Variants in SRCAP observed in about 807,000 individuals in gnomAD.
SRCAP encodes Snf2 related CREBBP activator protein.
SRCAP carries 46 observed loss-of-function variants against 263.1 expected under a neutral mutation model. The ratio of observed to expected loss-of-function variants is 0.17; its 90% confidence interval spans 0.14 to 0.22. The LOEUF (loss-of-function observed/expected upper bound fraction) is 0.22. Among genes scored for constraint, SRCAP ranks in the 10% least tolerant of loss-of-function variants. The pLI, the probability that SRCAP is intolerant of heterozygous loss-of-function variation, is 1.00. For synonymous variants in SRCAP, 1,813 were observed against 1,662.1 expected (o/e 1.09, Z -2.21); for missense variants, 3,695 against 4,181.9 (o/e 0.88, Z 3.21).
rs2053186523 is a variant in SRCAP, at chr16:30,738,632, CAAG to C, written c.8598_8600del (p.Lys2866del). On this transcript the variant is annotated inframe_deletion, in exon 34 of 34. Transcript: ENST00000262518. ...TGAAACGTCGGAGGGGGAGGCCCCC[CAAG>C]AAGAACAGGTCTCCAGCAGATGCTG... 3.1e-6 allele frequency: 5 copies of C among 1,606,642 alleles called. No individual in the cohort carries two copies. Among genetic ancestry groups the C allele is most frequent in the South Asian group, 2.2e-5 (2 of 90,358 alleles).
intron 18 of SRCAP, among the ~76,000 whole-genome samples, chr16:30,718,176 A>AT (rs1239745568): frequency 7.4e-5 from 11 of 148,134 alleles, no homozygotes; most frequent in South Asian, 4.3e-4. Context: ...CCTAGTTTTA[A>AT]TTTTTTTTTG....
intron 31 of SRCAP, among the ~76,000 whole-genome samples, chr16:30,735,502 A>G (rs1189642596): frequency 6.7e-6 from 1 of 150,174 alleles, no homozygotes; most frequent in Non-Finnish European, 1.5e-5. Flanking sequence ...TTTCCTTTTC[A>G]TTAGTATTTC....
At position 30,723,750 on chromosome 16, in the gene SRCAP, T is replaced by C. The variant is rs2053034267; in HGVS notation, c.4326T>C (p.Ser1442=). 2.5e-6 allele frequency: 4 copies of C among 1,614,064 alleles called. No individual in the cohort carries two copies. Among genetic ancestry groups the C allele is most frequent in the Middle Eastern group, 3.3e-4 (2 of 6,062 alleles). Residue 1442 remains serine, a synonymous_variant, in exon 25 of 34, where the codon TCT becomes TCC. Transcript: ENST00000262518. The part of the protein sequence containing the change: ...SVPLSSSLPI[S]VPTTLPAPAS... ...CATTGTCATCTTCACTCCCCATCTC[T>C]GTCCCCACCACACTTCCTGCCCCAG...
chr16:30,700,433 G>T (rs185878233), intron 2 of SRCAP, among the ~76,000 whole-genome samples, 183 bp from the exon 3 acceptor site: 1 of 152,352 alleles, frequency 6.6e-6, no homozygotes, highest in Non-Finnish European at 1.5e-5. Context: ...AGGTAGGTGT[G>T]AGGATTATAG....
chr16:30,730,964 A>G (rs1011517421), intron 27 of SRCAP, among the ~76,000 whole-genome samples: 3 of 152,136 alleles, frequency 2.0e-5, no homozygotes, highest in East Asian at 3.9e-4. Context: ...CATTGCACCC[A>G]GCCTTAAGGG....
At chr16:30,730,210 A>G (rs1367083693) in intron 27 of SRCAP, among the ~76,000 whole-genome samples, 2 of 152,248 alleles carry the variant, frequency 1.3e-5, no homozygotes, top group Non-Finnish European at 2.9e-5. Flanking sequence ...ATTTAGCTGT[A>G]TGGGAAAAGA....
At chr16:30,721,516 G>A (rs754040778) in intron 21 of SRCAP, 40 bp downstream of exon 21, 1 of 1,593,086 alleles carries the variant, frequency 6.3e-7, no homozygotes, top group Non-Finnish European at 8.5e-7. Context: ...CTTGAGATGG[G>A]AGGAAAGCTC....
chr16:30,709,990 G>C lies in SRCAP; in HGVS notation c.996G>C (p.Leu332=), dbSNP rs745776679. The C allele has an allele frequency of 6.2e-7, 1 of 1,614,224 alleles. No homozygotes were observed. Among genetic ancestry groups the C allele is most frequent in the African/African-American group, 1.3e-5 (1 of 75,050 alleles). ...TTCGCCGTGAGGGAGAATTGCCACT[G>C]GAAGAGCTGCTCCGTTCCCTTCCCC... ...ELLRREGELP[L]EELLRSLPPQ... is the part of the protein sequence containing the mutation. The change falls in exon 8 of 34, where the codon CTG becomes CTC. Residue 332 remains leucine, a synonymous_variant. Coordinates refer to ENST00000262518, the MANE Select transcript of SRCAP (RefSeq NM_006662.3).
In SRCAP at chr16:30,738,145, C is replaced by T. The variant is rs2151300528; in HGVS notation, c.8105C>T (p.Ser2702Phe). The T allele has an allele frequency of 6.2e-7, 1 of 1,614,194 alleles. No individual in the cohort carries two copies. Among genetic ancestry groups the T allele is most frequent in the Non-Finnish European group, 8.5e-7 (1 of 1,180,042 alleles). Residue 2702 changes from serine (S) to phenylalanine (F), a missense_variant, in exon 34 of 34, where the codon TCC becomes TTC. Ser to Phe is a radical substitution (Grantham distance 155). Transcript: ENST00000262518. ...GTTACAGCTGAGGTTGCAGCTCCAT[C>T]CACCTCATCTTCAGCCACTTCCTCG... ...ELVTAEVAAP[S>F]TSSSATSSPE...
chr16:30,712,949 G>C, intron 14 of SRCAP, 134 bp downstream of exon 14: 1 of 1,218,712 alleles, frequency 8.2e-7, no homozygotes, highest in Non-Finnish European at 1.1e-6. Flanking sequence ...AAATAAAGAT[G>C]GGGTCTCACT....
Position 30,724,997 on chromosome 16 carries a change from C to G in SRCAP, c.5573C>G (p.Pro1858Arg). The change falls in exon 25 of 34, where the codon CCC becomes CGC. Residue 1858 changes from proline (P) to arginine (R), a missense_variant. Physicochemically the swap from Pro to Arg is moderately radical, Grantham distance 103 (BLOSUM62 -2). Around this residue, in one of 12 missense-constraint regions of SRCAP, gnomAD observed 1,347 missense variants for 1,304.4 expected, o/e 1.03. Transcript: ENST00000262518. ...ACACTGACATTGCGCTCTGGTCCCC[C>G]CAGCCCTCCCTCCACTGCTACCTCG... Reference protein sequence around the residue: ...PDTLTLRSGPPSPPSTATSFG... With the variant: ...PDTLTLRSGPRSPPSTATSFG... The G allele has an allele frequency of 1.2e-6, 2 of 1,614,166 alleles. No homozygotes were observed. The highest frequency in any genetic ancestry group is 1.6e-4 in the Middle Eastern group (1 of 6,062).
intron 22 of SRCAP, 33 bp downstream of exon 22, chr16:30,722,319 T>C (rs747463669): frequency 6.2e-7 from 1 of 1,600,028 alleles, no homozygotes; most frequent in South Asian, 1.1e-5. Flanking sequence ...CCTGCCTTTT[T>C]CCTCCTCTTC....
intron 6 of SRCAP, among the ~76,000 whole-genome samples, chr16:30,708,101 C>A (rs1392622143): frequency 6.6e-6 from 1 of 152,224 alleles, no homozygotes; most frequent in South Asian, 2.1e-4. Flanking sequence ...CATTCCTTCT[C>A]CCTTCCACTC....
chr16:30,711,451 T>C (rs1257018892), intron 10 of SRCAP, 120 bp from the exon 11 acceptor site: 9 of 1,035,350 alleles, frequency 8.7e-6, no homozygotes, highest in South Asian at 1.7e-5. Flanking sequence ...CTCTTTTGCC[T>C]CCCCTCAGAC....
chr16:30,723,901 T>A lies in SRCAP; in HGVS notation c.4477T>A (p.Leu1493Met). The part of the protein sequence containing the change: ...VVPAAPGPPS[L>M]APSGASPSAS... ...CCCAGCGGCTCCTGGACCTCCCTCC[T>A]TGGCACCATCTGGTGCTTCCCCGTC... is the stretch of plus-strand genomic sequence containing the variant. Residue 1493 changes from leucine (L) to methionine (M), a missense_variant, in exon 25 of 34, where the codon TTG (leucine) becomes ATG (methionine). Around this residue, in one of 12 missense-constraint regions of SRCAP, gnomAD observed 1,347 missense variants for 1,304.4 expected, o/e 1.03. Transcript: ENST00000262518. 1 of 1,614,142 alleles carries A rather than the reference T, an allele frequency of 6.2e-7. No individual in the cohort carries two copies. Among genetic ancestry groups the A allele is most frequent in the South Asian group, 1.1e-5 (1 of 91,088 alleles).
chr16:30,735,076 C>T (rs1290780682), intron 31 of SRCAP, among the ~76,000 whole-genome samples: 1 of 151,738 alleles, frequency 6.6e-6, no homozygotes, highest in Non-Finnish European at 1.5e-5. Flanking sequence ...AAGAACCTTT[C>T]CAAATGTGAT....
In SRCAP at chr16:30,740,033, T is replaced by C; in HGVS notation, c.*300T>C. On this transcript the variant is annotated 3_prime_UTR_variant, in exon 34 of 34. Coordinates refer to ENST00000262518, the MANE Select transcript of SRCAP (RefSeq NM_006662.3). ...CTGTCTTTCACACAGCCCCCCACCC[T>C]TAGGGGAAGGGGGAGGGGCTTCTCT... The C allele has an allele frequency of 3.5e-6, 1 of 284,756 alleles. No homozygotes were observed. The highest frequency in any genetic ancestry group is 6.5e-6 in the Non-Finnish European group (1 of 154,492). The allele number at this position is 284,756 out of a possible 1,614,324, so 17.6% of individuals were successfully genotyped here. A position where few individuals can be genotyped will look rare whatever the true frequency, so the allele number is the denominator to read the frequency against.
At chr16:30,700,959 A>G (rs1596637669) in intron 3 of SRCAP, 81 bp downstream of exon 3, 2 of 1,469,616 alleles carry the variant, frequency 1.4e-6, no homozygotes, top group East Asian at 2.3e-5. Context: ...TGGCAGGGGA[A>G]TATTTGTGGA....
chr16:30,722,588 A>G lies in SRCAP; in HGVS notation c.3732A>G (p.Ala1244=), dbSNP rs1302301350. ...LQRNVVHLVS[A]GGQHHLISQP... Reference sequence around the variant, plus strand: ...GGAATGTGGTGCACCTCGTGTCAGCAGGGGGGCAGCACCATCTCATCAGCC... The same window carrying G: ...GGAATGTGGTGCACCTCGTGTCAGCGGGGGGGCAGCACCATCTCATCAGCC... Residue 1244 remains alanine (A), a synonymous_variant, in exon 23 of 34, where the codon GCA becomes GCG. Coordinates refer to ENST00000262518, the MANE Select transcript of SRCAP (RefSeq NM_006662.3). 2.5e-6 allele frequency: 4 copies of G among 1,613,980 alleles called. No individual in the cohort carries two copies. The highest frequency in any genetic ancestry group is 8.5e-7 in the Non-Finnish European group (1 of 1,179,984).
Sources: gnomAD v4.1 joint callset for allele counts (sites outside exome capture counted in the v4.1 genomes callset) on GRCh38, gnomAD v4.1.1 for gene constraint, gnomAD v4.1.1 regional missense constraint, MANE v1.5 for transcripts, NCBI Gene and HGNC (gene_info 2026-07-23, HGNC 2026-07-21) for gene names.